Variants in LARS2 observed in about 807,000 individuals in gnomAD.
The protein encoded by LARS2 is leucyl-tRNA synthetase 2, mitochondrial.
In LARS2, 81 loss-of-function variants were observed where a neutral mutation model predicts 116.6. The observed-to-expected ratio is 0.69, with a 90% confidence interval of 0.58 to 0.84. The LOEUF (loss-of-function observed/expected upper bound fraction) is 0.84. LARS2 is among the 40% of genes least tolerant of loss of function. LARS2 has a pLI of 0.00. For synonymous variants in LARS2, 396 were observed against 407.2 expected (o/e 0.97, Z 0.33); for missense variants, 968 against 1,114.5 (o/e 0.87, Z 1.87).
At chr3:45,517,804 C>A in intron 17 of LARS2, 99 bp from the exon 18 acceptor site, 1 of 905,488 alleles carries the variant, frequency 1.1e-6, no homozygotes, top group Non-Finnish European at 1.7e-6. Flanking sequence ...AGTGAAGTGT[C>A]ACATCAATTC....
intron 4 of LARS2, among the ~76,000 whole-genome samples, chr3:45,416,266 A>G (rs947358641): frequency 2.0e-5 from 3 of 151,974 alleles, no homozygotes; most frequent in Non-Finnish European, 2.9e-5. Flanking sequence ...GAAAAAAAAA[A>G]AAAGAAAGGG....
chr3:45,443,804 G>A (rs1274606727), intron 6 of LARS2, among the ~76,000 whole-genome samples: 1 of 152,114 alleles, frequency 6.6e-6, no homozygotes, highest in Non-Finnish European at 1.5e-5. Flanking sequence ...AATGACATGT[G>A]CAGAAATGTA....
intron 20 of LARS2, among the ~76,000 whole-genome samples, chr3:45,536,749 C>T (rs1038631249): frequency 3.3e-5 from 5 of 152,340 alleles, no homozygotes; most frequent in Middle Eastern, 6.8e-3. Context: ...AAGCATTCAA[C>T]GTTACAAGAG....
rs544165525 is a variant in LARS2 at position 45,524,406 on chromosome 3, C to T, written c.2404+298C>T. Among the ~76,000 whole-genome samples, 12 of 152,280 alleles carry T rather than the reference C, an allele frequency of 7.9e-5. No homozygotes were observed. In the South Asian group the frequency reaches 2.5e-3, roughly 32 times the overall value. On this transcript the variant is annotated intron_variant, in intron 20 of 21. Coordinates refer to ENST00000645846, the MANE Select transcript of LARS2 (RefSeq NM_015340.4). ...GCCCCCCAGTATCCACATATTATGA[C>T]CTGCGTGGTCTTTTTAAGATAAAAA... is the stretch of plus-strand genomic sequence containing the variant.
intron 6 of LARS2, among the ~76,000 whole-genome samples, chr3:45,425,405 A>G (rs12632096): frequency 0.42 from 63,229 of 152,054 alleles, 14,665 homozygotes; most frequent in Non-Finnish European, 0.54. Context: ...GTGACCTCAC[A>G]CTCGTCCCTG....
At position 45,518,077 on chromosome 3, in the gene LARS2, G is replaced by A. The variant is rs1007653196; in HGVS notation, c.2214+5G>A. ...AAGAACTCCGTCATCTCTCAGGTCAGAAACTCTCCAATTCCAGGGGTTAAC... is the reference window on the plus strand; with the variant it reads ...AAGAACTCCGTCATCTCTCAGGTCAAAAACTCTCCAATTCCAGGGGTTAAC... On this transcript the variant is annotated splice_donor_5th_base_variant and intron_variant, in intron 18 of 21. Coordinates refer to ENST00000645846, the MANE Select transcript of LARS2 (RefSeq NM_015340.4). The A allele has an allele frequency of 2.5e-6, 4 of 1,608,484 alleles. No individual in the cohort carries two copies. The highest frequency in any genetic ancestry group is 2.5e-6 in the Non-Finnish European group (3 of 1,176,888).
chr3:45,425,906 T>C (rs1005263270), intron 6 of LARS2, among the ~76,000 whole-genome samples: 1 of 107,888 alleles, frequency 9.3e-6, no homozygotes, highest in African/African-American at 3.1e-5. Context: ...TTTTTTTTTT[T>C]CTTTTCTTTT....
intron 8 of LARS2, among the ~76,000 whole-genome samples, chr3:45,472,991 T>G (rs1277085868): frequency 6.6e-6 from 1 of 152,230 alleles, no homozygotes; most frequent in African/African-American, 2.4e-5. Flanking sequence ...TTCTCTCCCT[T>G]GAGTACAGGG....
In LARS2 at chr3:45,524,105, GC is replaced by G. The variant is rs751889911; in HGVS notation, c.2402del (p.Ala801GlufsTer44). The G allele has an allele frequency of 2.1e-5, 34 of 1,601,054 alleles. No individual in the cohort carries two copies. The highest frequency in any genetic ancestry group is 2.7e-5 in the Non-Finnish European group (32 of 1,168,174). On this transcript the variant is annotated frameshift_variant and splice_region_variant, in exon 20 of 22. Coordinates refer to ENST00000645846, the MANE Select transcript of LARS2 (RefSeq NM_015340.4). LOFTEE classifies it high-confidence loss of function. Reference protein sequence around the residue: ...LAPHVTSEIWAGLALVPRKLC... With the variant: ...LAPHVTSEIWXGLALVPRKLC... ...CCCTCATGTAACCTCAGAGATCTGG[GC>G]AGGTACGTGGCAGAGTCCTTTTTTG...
At chr3:45,439,085 C>T (rs1472965952) in intron 6 of LARS2, among the ~76,000 whole-genome samples, 1 of 152,110 alleles carries the variant, frequency 6.6e-6, no homozygotes, top group East Asian at 1.9e-4. Flanking sequence ...TCCCTACTTC[C>T]TCCTCCCTTG....
intron 20 of LARS2, among the ~76,000 whole-genome samples, chr3:45,530,907 C>A (rs1278293931): frequency 6.6e-6 from 1 of 152,138 alleles, no homozygotes; most frequent in Non-Finnish European, 1.5e-5. Flanking sequence ...TAAGTTTCCC[C>A]AAAATCACCA....
chr3:45,510,948 C>T (rs540723023), intron 15 of LARS2, among the ~76,000 whole-genome samples: 1 of 152,188 alleles, frequency 6.6e-6, no homozygotes, highest in Non-Finnish European at 1.5e-5. Flanking sequence ...TCAAGAAATA[C>T]CAAAGAAATA....
intron 3 of LARS2, among the ~76,000 whole-genome samples, chr3:45,399,789 C>G (rs1698112381): frequency 6.6e-6 from 1 of 151,898 alleles, no homozygotes; most frequent in Admixed American, 6.6e-5. Flanking sequence ...CTTCACCCCC[C>G]TTTCCACCCT....
Position 45,419,739 on chromosome 3 carries a change from C to T in LARS2, c.516+10C>T. 3 of 1,609,102 alleles carry T rather than the reference C, an allele frequency of 1.9e-6. No individual in the cohort carries two copies. Among genetic ancestry groups the T allele is most frequent in the Non-Finnish European group, 1.7e-6 (2 of 1,175,454 alleles). ...TTTCAGCTGGGATAGGGTAAGTCAA[C>T]TCTTTTTCCTGAAAGGTCGTCATTT... On this transcript the variant is annotated intron_variant, in intron 6 of 21. Coordinates refer to ENST00000645846, the MANE Select transcript of LARS2 (RefSeq NM_015340.4).
At chr3:45,419,362 G>A (rs1391457558) in intron 5 of LARS2, among the ~76,000 whole-genome samples, 3 of 152,156 alleles carry the variant, frequency 2.0e-5, no homozygotes, top group African/African-American at 4.8e-5. Context: ...ACGTCTGGAC[G>A]GGCCAGCAGT....
Position 45,500,653 on chromosome 3 carries a change from G to A in LARS2, c.1760+74G>A, listed in dbSNP as rs965602960. On this transcript the variant is annotated intron_variant, in intron 15 of 21. Transcript: ENST00000645846. ...ACTTTAAGCAGGTGTCAGTTCTTCT[G>A]AAGCAAGGTAAATGCATGTAGTAGA... The A allele has an allele frequency of 5.9e-6, 7 of 1,177,202 alleles. No individual in the cohort carries two copies. In the African/African-American group the frequency reaches 1.1e-4, roughly 19 times the overall value. 72.9% of individuals were successfully genotyped at this position (1,177,202 alleles called of 1,614,324 possible). A position where few individuals can be genotyped will look rare whatever the true frequency, so the allele number is the denominator to read the frequency against.
intron 8 of LARS2, among the ~76,000 whole-genome samples, chr3:45,461,511 CT>C (rs1051630451): frequency 6.6e-6 from 1 of 151,996 alleles, no homozygotes; most frequent in Non-Finnish European, 1.5e-5. Flanking sequence ...GCCTTTAGGT[CT>C]TAAGGAATTT....
intron 20 of LARS2, among the ~76,000 whole-genome samples, chr3:45,535,767 C>CA (rs66906994): frequency 0.25 from 4,213 of 17,098 alleles, 76 homozygotes; most frequent in South Asian, 0.49. Context: ...CACACACACA[C>CA]CCCCACACCC....
intron 20 of LARS2, among the ~76,000 whole-genome samples, chr3:45,527,421 G>A (rs537267115): frequency 9.2e-5 from 14 of 152,182 alleles, no homozygotes; most frequent in East Asian, 3.9e-4. Flanking sequence ...TCAAGAGATC[G>A]AGACCATCCT....
Sources: gnomAD v4.1 joint callset for allele counts (sites outside exome capture counted in the v4.1 genomes callset) on GRCh38, gnomAD v4.1.1 for gene constraint, MANE v1.5 for transcripts, NCBI Gene and HGNC (gene_info 2026-07-23, HGNC 2026-07-21) for gene names.